The following KIF1A variants were observed in gnomAD, a reference collection of about 807,000 sequenced individuals.
The protein encoded by KIF1A is kinesin-like protein KIF1A.
KIF1A carries 46 observed loss-of-function variants against 227.3 expected under a neutral mutation model. That is an observed-to-expected ratio of 0.20 (90% CI 0.16 to 0.26). The LOEUF (loss-of-function observed/expected upper bound fraction) is 0.26, where lower values mean the gene tolerates loss of function less well. Among genes scored for constraint, KIF1A ranks in the 10% least tolerant of loss-of-function variants. The pLI, the probability that KIF1A is intolerant of heterozygous loss-of-function variation, is 1.00. For missense variants in KIF1A, 1,683 were observed against 2,485.9 expected (o/e 0.68, Z 6.87); for synonymous variants, 1,022 against 1,012.8 (o/e 1.01, Z -0.17).
intron 1 of KIF1A, among the ~76,000 whole-genome samples, chr2:240,808,661 A>C (rs1264511077): frequency 6.6e-6 from 1 of 152,014 alleles, no homozygotes; most frequent in Non-Finnish European, 1.5e-5. Flanking sequence ...CAACAGAGCA[A>C]GATCTTCTCT....
chr2:240,775,759 G>T lies in KIF1A; in HGVS notation c.958+92C>A. The T allele has an allele frequency of 1.2e-6, 1 of 854,786 alleles. No individual in the cohort carries two copies. Among genetic ancestry groups the T allele is most frequent in the Non-Finnish European group, 2.0e-6 (1 of 500,280 alleles). The allele number at this position is 854,786 out of a possible 1,614,324, so 53.0% of individuals were successfully genotyped here. On this transcript the variant is annotated intron_variant, in intron 11 of 48. Coordinates refer to ENST00000498729, the MANE Select transcript of KIF1A (RefSeq NM_001244008.2). The surrounding 1 kb of genome is among the most constrained non-coding windows in gnomAD (Gnocchi z 5.5). ...TCAGCCCAGAAAGGGTGAGAGGCCTGCTGGCGACTGGGCACCCCCTCAGTG... is the reference window on the plus strand; with the variant it reads ...TCAGCCCAGAAAGGGTGAGAGGCCTTCTGGCGACTGGGCACCCCCTCAGTG...
At chr2:240,721,696 G>C (rs2045409013) in intron 44 of KIF1A, 111 bp downstream of exon 44, 3 of 883,990 alleles carry the variant, frequency 3.4e-6, no homozygotes, top group Non-Finnish European at 5.4e-6. Context: ...CGTGTTCCTA[G>C]GAAACTCTTA....
At chr2:240,809,297 A>G (rs769948808) in intron 1 of KIF1A, among the ~76,000 whole-genome samples, 20 of 152,246 alleles carry the variant, frequency 1.3e-4, no homozygotes, top group Non-Finnish European at 2.2e-4. Flanking sequence ...AAGAAGAAAA[A>G]AAAGACCAGA....
chr2:240,735,161 G>A (rs1454131300), intron 38 of KIF1A, among the ~76,000 whole-genome samples: 1 of 152,180 alleles, frequency 6.6e-6, no homozygotes, highest in Non-Finnish European at 1.5e-5. Context: ...CTGCCAGCAC[G>A]GGCAGGAGCC....
Position 240,766,651 on chromosome 2 carries a change from C to CA in KIF1A, c.1684+263dup, listed in dbSNP as rs1373069163. On this transcript the variant is annotated intron_variant, in intron 19 of 48. Coordinates refer to ENST00000498729, the MANE Select transcript of KIF1A (RefSeq NM_001244008.2). This position sits in a 1 kb window ranked among gnomAD's most constrained non-coding sequence, Gnocchi z 5.0. ...ACCCCTGGCCACAGAAAGTACCAGGCATTTTCCCAAGCACCAACCTAATGG... is the reference window on the plus strand; with the variant it reads ...ACCCCTGGCCACAGAAAGTACCAGGCAATTTTCCCAAGCACCAACCTAATGG... 2.6e-5 allele frequency among the ~76,000 whole-genome samples: 4 copies of CA among 152,068 alleles called. No individual in the cohort carries two copies. Among genetic ancestry groups the CA allele is most frequent in the African/African-American group, 9.7e-5 (4 of 41,418 alleles).
At chr2:240,785,289 C>T (rs1378982837) in intron 6 of KIF1A, among the ~76,000 whole-genome samples, 189 bp from the exon 7 acceptor site, 2 of 152,238 alleles carry the variant, frequency 1.3e-5, no homozygotes, top group Non-Finnish European at 2.9e-5. Context: ...GGCCACCTGC[C>T]CACAGTGGCG....
intron 1 of KIF1A, among the ~76,000 whole-genome samples, chr2:240,818,308 G>A (rs902136563): frequency 6.6e-6 from 1 of 152,174 alleles, no homozygotes; most frequent in Non-Finnish European, 1.5e-5. Flanking sequence ...TTCACCCCGG[G>A]TAAAGGCTGC....
At chr2:240,801,624 C>G (rs751828459) in intron 1 of KIF1A, among the ~76,000 whole-genome samples, 4 of 152,150 alleles carry the variant, frequency 2.6e-5, no homozygotes, top group Non-Finnish European at 5.9e-5. Context: ...CCTAACCCCC[C>G]AAGTGATGAC....
At chr2:240,748,735 A>G in intron 28 of KIF1A, 1 of 265,460 alleles carries the variant, frequency 3.8e-6, no homozygotes, top group Non-Finnish European at 8.2e-6. Context: ...CCTGATTCTC[A>G]GCACTGTGGT....
rs116501751 is a variant in KIF1A, at chr2:240,766,178, C to T, written c.1685-385G>A. ...TTGCAGTCAGAGAATTCCAGGAGAG[C>T]CAATCGTCCCAACACCACTTAGGGC... On this transcript the variant is annotated intron_variant, in intron 19 of 48. Transcript: ENST00000498729. This position sits in a 1 kb window ranked among gnomAD's most constrained non-coding sequence, Gnocchi z 5.0. 4.3e-3 allele frequency among the ~76,000 whole-genome samples: 646 copies of T among 152,000 alleles called. 4 individuals carry two copies. Among genetic ancestry groups the T allele is most frequent in the African/African-American group, 0.015 (602 of 41,238 alleles).
intron 9 of KIF1A, 49 bp downstream of exon 9, chr2:240,782,995 C>G: frequency 1.4e-6 from 2 of 1,478,082 alleles, no homozygotes; most frequent in Non-Finnish European, 1.9e-6. Flanking sequence ...GATGGGGCGC[C>G]AAAGACCCTC....
At chr2:240,803,318 CA>C (rs1285780460) in intron 1 of KIF1A, among the ~76,000 whole-genome samples, 1 of 152,242 alleles carries the variant, frequency 6.6e-6, no homozygotes, top group African/African-American at 2.4e-5. Context: ...AGCCCCACAT[CA>C]TCCCCAGGTT....
At chr2:240,743,916 C>G in intron 33 of KIF1A, 26 bp downstream of exon 33, 1 of 1,500,170 alleles carries the variant, frequency 6.7e-7, no homozygotes. Context: ...ACAGCAGCCC[C>G]GAACCCCCCG....
rs990603048 is a variant in KIF1A at position 240,745,411 on chromosome 2, G to A, written c.3465+16C>T. 2 of 1,592,820 alleles carry A rather than the reference G, an allele frequency of 1.3e-6. No homozygotes were observed. Among genetic ancestry groups the A allele is most frequent in the Non-Finnish European group, 1.7e-6 (2 of 1,161,408 alleles). ...CAGTCAGTGGCAGGGATGGGGAGAA[G>A]TGCCCAGGAACGTACGTTCTGGACG... On this transcript the variant is annotated intron_variant, in intron 32 of 48. Coordinates refer to ENST00000498729, the MANE Select transcript of KIF1A (RefSeq NM_001244008.2).
Position 240,790,149 on chromosome 2 carries a change from G to A in KIF1A, c.107-837C>T, listed in dbSNP as rs974401488. Reference sequence around the variant, plus strand: ...TGGACGGGCCTGGACCCTGCAGACTGCATGTCCTCAGTGGCCGGAAGGACA... The same window carrying A: ...TGGACGGGCCTGGACCCTGCAGACTACATGTCCTCAGTGGCCGGAAGGACA... On this transcript the variant is annotated intron_variant, in intron 2 of 48. Coordinates refer to ENST00000498729, the MANE Select transcript of KIF1A (RefSeq NM_001244008.2). This position sits in a 1 kb window ranked among gnomAD's most constrained non-coding sequence, Gnocchi z 5.0. Among the ~76,000 whole-genome samples the A allele has an allele frequency of 2.6e-5, 4 of 152,148 alleles. No individual in the cohort carries two copies. The highest frequency in any genetic ancestry group is 2.1e-4 in the South Asian group (1 of 4,824).
rs201742042 is a variant in KIF1A, at chr2:240,750,497, C to T, written c.2909G>A (p.Arg970His). ...NLLYPVPLVH[R>H]VAIVSEKGEV... ...GCCCTTCTCGCTGACGATTGCCACA[C>T]GGTGTACCAGGGGAACGGGGTACAG... Residue 970 changes from arginine to histidine, a missense_variant, in exon 28 of 49, where the codon CGT becomes CAT. Physicochemically the swap from Arg to His is conservative, Grantham distance 29. Around this residue, in one of 12 missense-constraint regions of KIF1A, gnomAD observed 759 missense variants for 1,020.2 expected, o/e 0.74. Coordinates refer to ENST00000498729, the MANE Select transcript of KIF1A (RefSeq NM_001244008.2). 1.1e-5 allele frequency: 17 copies of T among 1,613,812 alleles called. No homozygotes were observed. Among genetic ancestry groups the T allele is most frequent in the East Asian group, 2.2e-5 (1 of 44,894 alleles).
chr2:240,797,232 C>T (rs1419024800), intron 2 of KIF1A, among the ~76,000 whole-genome samples: 1 of 152,162 alleles, frequency 6.6e-6, no homozygotes, highest in Admixed American at 6.5e-5. Flanking sequence ...GGTGGGTGTC[C>T]TTATAAAAAA....
chr2:240,763,701 T>A lies in KIF1A; in HGVS notation c.1769-355A>T, dbSNP rs532394731. 4.6e-5 allele frequency among the ~76,000 whole-genome samples: 7 copies of A among 152,172 alleles called. No individual in the cohort carries two copies. In the South Asian group the frequency reaches 1.5e-3, roughly 32 times the overall value. On this transcript the variant is annotated intron_variant, in intron 20 of 48. Transcript: ENST00000498729. ...CCAGGACCCTCCTTCTCACATCCAGTCTGGGGCCGGTGCCCCCAGAGCTGG... is the reference window on the plus strand; with the variant it reads ...CCAGGACCCTCCTTCTCACATCCAGACTGGGGCCGGTGCCCCCAGAGCTGG...
intron 38 of KIF1A, among the ~76,000 whole-genome samples, chr2:240,731,496 CA>C (rs1276296581): frequency 1.3e-5 from 2 of 152,228 alleles, no homozygotes; most frequent in Non-Finnish European, 2.9e-5. Context: ...AGCTGGGAGA[CA>C]ACCAGCATGT....
Sources: allele counts gnomAD v4.1 joint callset (sites outside exome capture counted in the v4.1 genomes callset), GRCh38; gene constraint gnomAD v4.1.1; regional missense constraint gnomAD v4.1.1; non-coding constraint Gnocchi (gnomAD v3.1); transcripts MANE v1.5; gene names NCBI Gene and HGNC (gene_info 2026-07-23, HGNC 2026-07-21).